Variants in STXBP5L observed in about 807,000 individuals in gnomAD.
STXBP5L encodes the protein syntaxin binding protein 5L.
STXBP5L carries 65 observed loss-of-function variants against 144.5 expected under a neutral mutation model. The ratio of observed to expected loss-of-function variants is 0.45; its 90% CI spans 0.37 to 0.55. The LOEUF (loss-of-function observed/expected upper bound fraction) is 0.55, where lower values mean the gene tolerates loss of function less well. Ranked by LOEUF, STXBP5L falls within the 20% of genes least tolerant of loss-of-function variation. The pLI, the probability that STXBP5L is intolerant of heterozygous loss-of-function variation, is 0.00. For synonymous variants in STXBP5L, 505 were observed against 469.6 expected (o/e 1.08, Z -0.97); for missense variants, 1,298 against 1,405.5 (o/e 0.92, Z 1.22).
chr3:121,039,711 T>C (rs944089349), intron 3 of STXBP5L, among the ~76,000 whole-genome samples: 1 of 151,758 alleles, frequency 6.6e-6, no homozygotes, highest in African/African-American at 2.4e-5. Flanking sequence ...ATTTTGGTCA[T>C]TATTTAAAAA....
At chr3:121,369,073 C>T (rs1408297560) in intron 20 of STXBP5L, among the ~76,000 whole-genome samples, 5 of 152,216 alleles carry the variant, frequency 3.3e-5, no homozygotes, top group African/African-American at 1.2e-4. Context: ...TCCACCCTGT[C>T]TCCTGAAAGC....
chr3:121,174,376 T>G (rs929918103), intron 9 of STXBP5L, among the ~76,000 whole-genome samples: 1 of 152,150 alleles, frequency 6.6e-6, no homozygotes, highest in Non-Finnish European at 1.5e-5. Flanking sequence ...TCTGATATTT[T>G]AGGCTAAAGC....
At chr3:121,044,267 C>T (rs1179172976) in intron 4 of STXBP5L, among the ~76,000 whole-genome samples, 2 of 152,014 alleles carry the variant, frequency 1.3e-5, no homozygotes, top group Non-Finnish European at 2.9e-5. Context: ...TAAAGCCATT[C>T]CTCTCTGAGA....
chr3:121,325,176 C>A (rs1256535390), intron 20 of STXBP5L, among the ~76,000 whole-genome samples: 1 of 151,928 alleles, frequency 6.6e-6, no homozygotes, highest in Non-Finnish European at 1.5e-5. Context: ...TGCACAGCCT[C>A]CTGAAATTAG....
chr3:121,322,130 A>C (rs2043990327), intron 20 of STXBP5L, among the ~76,000 whole-genome samples: 1 of 152,098 alleles, frequency 6.6e-6, no homozygotes, highest in Admixed American at 6.6e-5. Flanking sequence ...CAGTTCCTGC[A>C]TTAATTTGCT....
intron 5 of STXBP5L, among the ~76,000 whole-genome samples, chr3:121,060,807 T>C (rs2041235578): frequency 6.6e-6 from 1 of 152,238 alleles, no homozygotes; most frequent in African/African-American, 2.4e-5. Context: ...TTCTGTGGGA[T>C]CAATGGTGAT....
chr3:120,919,663 G>T (rs901995251), intron 2 of STXBP5L, among the ~76,000 whole-genome samples: 1 of 151,688 alleles, frequency 6.6e-6, no homozygotes, highest in Admixed American at 6.6e-5. Context: ...CTAGCTATTT[G>T]GTGAATTCAG....
chr3:121,062,584 T>G (rs1276383190), intron 5 of STXBP5L, among the ~76,000 whole-genome samples: 2 of 152,220 alleles, frequency 1.3e-5, no homozygotes, highest in Non-Finnish European at 2.9e-5. Flanking sequence ...TTCTCCTGGA[T>G]AATATACTGA....
intron 6 of STXBP5L, among the ~76,000 whole-genome samples, chr3:121,117,354 T>C (rs1228883032): frequency 6.6e-6 from 1 of 151,864 alleles, no homozygotes; most frequent in Non-Finnish European, 1.5e-5. Context: ...CCACATACCA[T>C]CACTTCCTGA....
intron 9 of STXBP5L, among the ~76,000 whole-genome samples, chr3:121,172,454 T>G (rs2046761266): frequency 6.6e-6 from 1 of 152,120 alleles, no homozygotes; most frequent in Admixed American, 6.6e-5. Context: ...AGGGCTAATA[T>G]CTAGAATCTA....
At chr3:121,192,200 A>G (rs1456870355) in intron 9 of STXBP5L, among the ~76,000 whole-genome samples, 1 of 152,338 alleles carries the variant, frequency 6.6e-6, no homozygotes, top group South Asian at 2.1e-4. Context: ...GAGCCAAATT[A>G]TGAGTGAACT....
At chr3:121,328,189 T>C (rs2044210910) in intron 20 of STXBP5L, among the ~76,000 whole-genome samples, 1 of 152,216 alleles carries the variant, frequency 6.6e-6, no homozygotes, top group African/African-American at 2.4e-5. Context: ...TGGAATACTA[T>C]AGAATGACAA....
At chr3:120,955,077 C>T in intron 3 of STXBP5L, 40 bp downstream of exon 3, 1 of 1,334,796 alleles carries the variant, frequency 7.5e-7, no homozygotes, top group Non-Finnish European at 1.1e-6. Flanking sequence ...CACAGTAATG[C>T]CAATTACATT....
intron 20 of STXBP5L, among the ~76,000 whole-genome samples, chr3:121,369,257 G>A (rs1031045074): frequency 3.3e-5 from 5 of 151,978 alleles, no homozygotes; most frequent in Middle Eastern, 3.4e-3. Context: ...GAGTTCCACA[G>A]TAGTTCTTTC....
chr3:121,385,122 AC>A, intron 22 of STXBP5L, among the ~76,000 whole-genome samples: 1 of 152,138 alleles, frequency 6.6e-6, no homozygotes, highest in East Asian at 1.9e-4. Context: ...CATTCTCCTT[AC>A]CCCAGTGGTA....
chr3:121,377,523 C>G (rs536596274), intron 20 of STXBP5L, among the ~76,000 whole-genome samples: 100 of 152,208 alleles, frequency 6.6e-4, no homozygotes, highest in African/African-American at 2.4e-3. Context: ...GTGGGCAAAG[C>G]TGTGAACAGA....
intron 18 of STXBP5L, among the ~76,000 whole-genome samples, chr3:121,259,630 A>T (rs1295902466): frequency 6.6e-6 from 1 of 152,068 alleles, no homozygotes; most frequent in Non-Finnish European, 1.5e-5. Flanking sequence ...TTCCTAAATT[A>T]TCACTCTATT....
At chr3:121,352,634 A>G (rs938946334) in intron 20 of STXBP5L, among the ~76,000 whole-genome samples, 2 of 152,084 alleles carry the variant, frequency 1.3e-5, no homozygotes, top group African/African-American at 4.8e-5. Context: ...GCAAACAGGG[A>G]CAATTTGACT....
chr3:121,228,360 A>G (rs1228796294), intron 11 of STXBP5L, among the ~76,000 whole-genome samples: 1 of 152,206 alleles, frequency 6.6e-6, no homozygotes, highest in African/African-American at 2.4e-5. Flanking sequence ...GTTACATAAA[A>G]TAATTCAGAC....
Sources: allele counts gnomAD v4.1 joint callset (sites outside exome capture counted in the v4.1 genomes callset), GRCh38; gene constraint gnomAD v4.1.1; transcripts MANE v1.5; gene names NCBI Gene and HGNC (gene_info 2026-07-23, HGNC 2026-07-21).